Variants in ATXN2 observed in about 807,000 individuals in gnomAD.
ATXN2 encodes the protein ataxin 2.
ATXN2 carries 37 observed loss-of-function variants against 138.6 expected under a neutral mutation model. The ratio of observed to expected loss-of-function variants is 0.27; its 90% CI spans 0.21 to 0.35. The LOEUF (loss-of-function observed/expected upper bound fraction) is 0.35. Ranked by LOEUF, ATXN2 falls within the 10% of genes least tolerant of loss-of-function variation. The pLI, the probability that ATXN2 is intolerant of heterozygous loss-of-function variation, is 1.00. For synonymous variants in ATXN2, 549 were observed against 543.7 expected (o/e 1.01, Z -0.13); for missense variants, 1,216 against 1,480.3 (o/e 0.82, Z 2.93).
chr12:111,584,393 A>AAAAAAAAAAAC, intron 1 of ATXN2, among the ~76,000 whole-genome samples: 1 of 144,096 alleles, frequency 6.9e-6, no homozygotes, highest in Non-Finnish European at 1.5e-5. Flanking sequence ...AAAAAAAAAA[A>AAAAAAAAAAAC]AAAAAAAAAA....
rs866096175 is a variant in ATXN2 at position 111,589,018 on chromosome 12, A to C, written c.251+9766T>G. ...AAAAAAAAAAAAAAAAAAAAAAAAA[A>C]AAAAAACTAAACCAAACTGGTCACG... On this transcript the variant is annotated intron_variant, in intron 1 of 24. Coordinates refer to ENST00000673436, the MANE Select transcript of ATXN2 (RefSeq NM_001372574.1). Among the ~76,000 whole-genome samples, 1,041 of 138,974 alleles carry C rather than the reference A, an allele frequency of 7.5e-3. 4 individuals are homozygous for C. The highest frequency in any genetic ancestry group is 0.01 in the Non-Finnish European group (692 of 66,332). 91.2% of individuals were successfully genotyped at this position (138,974 alleles called of 152,430 possible).
At chr12:111,599,497 T>A (rs2135865388), upstream of ATXN2, 2 of 1,214,758 alleles carry the variant, frequency 1.6e-6, no homozygotes, top group South Asian at 3.6e-5. Flanking sequence ...TCCGAGGAGC[T>A]GCGGCCGCTG....
chr12:111,471,707 C>A (rs530311294), intron 18 of ATXN2: 9 of 151,806 alleles, frequency 5.9e-5, no homozygotes, highest in African/African-American at 9.7e-5. Flanking sequence ...CAAACCTGAA[C>A]ATTTTTTTAT....
At position 111,580,513 on chromosome 12, in the gene ATXN2, GAAAAAAA is replaced by G. The variant is rs771331354; in HGVS notation, c.251+18264_251+18270del. The stretch of plus-strand genomic sequence containing the variant: ...AGAGGAAGATTCTGTCTCCAAAAAA[GAAAAAAA>G]AAAAAAAGATGACAACGGAACGGGA... On this transcript the variant is annotated intron_variant, in intron 1 of 24. Coordinates refer to ENST00000673436, the MANE Select transcript of ATXN2 (RefSeq NM_001372574.1). Among the ~76,000 whole-genome samples, 17 of 105,856 alleles carry G rather than the reference GAAAAAAA, an allele frequency of 1.6e-4. 1 individual carries two copies. In the East Asian group the frequency reaches 3.8e-3, roughly 24 times the overall value. The allele number at this position is 105,856 out of a possible 152,430, so 69.4% of individuals were successfully genotyped here. A position where few individuals can be genotyped will look rare whatever the true frequency, so the allele number is the denominator to read the frequency against.
chr12:111,466,123 G>A (rs1366521411), intron 20 of ATXN2, among the ~76,000 whole-genome samples: 3 of 150,100 alleles, frequency 2.0e-5, no homozygotes, highest in Admixed American at 6.7e-5. Context: ...CTGAGATCGC[G>A]CCACTGCACT....
At position 111,497,498 on chromosome 12, in the gene ATXN2, G is replaced by GT. The variant is rs572438673; in HGVS notation, c.1936-8719dup. On this transcript the variant is annotated intron_variant, in intron 14 of 24. Transcript: ENST00000673436. ...ATATAATACTAGCAAACCGAATTCA[G>GT]TAACACATTAAAAAGATCATTCATC... Among the ~76,000 whole-genome samples, 146 of 152,178 alleles carry GT rather than the reference G, an allele frequency of 9.6e-4. 1 individual carries two copies. Among genetic ancestry groups the GT allele is most frequent in the Admixed American group, 7.4e-3 (113 of 15,278 alleles).
chr12:111,581,311 A>C (rs1300558994), intron 1 of ATXN2: 1 of 513,126 alleles, frequency 1.9e-6, no homozygotes, highest in East Asian at 3.7e-5. Context: ...CCAAACTACC[A>C]GGGAAAGGGA....
At chr12:111,472,417 C>T (rs1031804765) in intron 18 of ATXN2, among the ~76,000 whole-genome samples, 2 of 152,070 alleles carry the variant, frequency 1.3e-5, no homozygotes, top group South Asian at 2.1e-4. Flanking sequence ...AACATATAAA[C>T]AGCAATAGCC....
chr12:111,508,549 C>A (rs544705969), intron 14 of ATXN2, among the ~76,000 whole-genome samples: 1 of 142,922 alleles, frequency 7.0e-6, no homozygotes, highest in Non-Finnish European at 1.5e-5. Context: ...TGGGTTCAAG[C>A]GATTATCCTG....
chr12:111,554,417 G>C (rs141091651), intron 2 of ATXN2, among the ~76,000 whole-genome samples, 200 bp from the exon 3 acceptor site: 1 of 152,126 alleles, frequency 6.6e-6, no homozygotes, highest in Non-Finnish European at 1.5e-5. Flanking sequence ...TGCTCAGCCT[G>C]TATTTACATT....
At chr12:111,530,203 G>A (rs1880737672) in intron 5 of ATXN2, among the ~76,000 whole-genome samples, 2 of 152,164 alleles carry the variant, frequency 1.3e-5, no homozygotes, top group South Asian at 4.1e-4. Flanking sequence ...CACTTACTGA[G>A]TACCTACAAT....
rs917587089 is a variant in ATXN2, at chr12:111,583,155, G to A, written c.251+15629C>T. Among the ~76,000 whole-genome samples the A allele has an allele frequency of 2.7e-5, 4 of 149,796 alleles. 1 individual carries two copies. The highest frequency in any genetic ancestry group is 9.9e-5 in the African/African-American group (4 of 40,492). ...CTACAGATGCGCACCACCATGCCCA[G>A]CTAATTTTTTCTATTTTAGTAGAGA... is the stretch of plus-strand genomic sequence containing the variant. On this transcript the variant is annotated intron_variant, in intron 1 of 24. Transcript: ENST00000673436.
Position 111,552,194 on chromosome 12 carries a change from A to T in ATXN2, c.571+86T>A, listed in dbSNP as rs1373302066. 1.4e-6 allele frequency: 2 copies of T among 1,400,168 alleles called. No homozygotes were observed. The highest frequency in any genetic ancestry group is 2.5e-5 in the East Asian group (1 of 40,106). The allele number at this position is 1,400,168 out of a possible 1,614,324, so 86.7% of individuals were successfully genotyped here. ...CCATACCCAGCCCAGATATTTCTTT[A>T]AAAAAAGTTTGTAAGATCACTGTGA... On this transcript the variant is annotated intron_variant, in intron 5 of 24. Transcript: ENST00000673436. The surrounding 1 kb of genome is among the most constrained non-coding windows in gnomAD (Gnocchi z 4.1).
At chr12:111,553,973 C>G (rs1882259419) in intron 3 of ATXN2, among the ~76,000 whole-genome samples, 185 bp downstream of exon 3, 2 of 152,078 alleles carry the variant, frequency 1.3e-5, no homozygotes, top group South Asian at 4.1e-4. Flanking sequence ...AGAGGACCAA[C>G]TGTACTTTTA....
In ATXN2 at chr12:111,513,434, G is replaced by A. The variant is rs572483391; in HGVS notation, c.1481C>T (p.Pro494Leu). 145 of 1,613,994 alleles carry A rather than the reference G, an allele frequency of 9.0e-5. 2 individuals carry two copies. The South Asian group carries it at 1.4e-3, about 16-fold the overall frequency. The change falls in exon 11 of 25, where the codon CCA becomes CTA. Residue 494 changes from proline (P) to leucine (L), a missense_variant. Transcript: ENST00000673436. ...SSGLEFVSHN[P>L]PSEAATPPVA... ...TGGAGGAGTAGCTGCTTCACTGGGT[G>A]GGTTGTGGGATACAAATTCTAGGCC...
At chr12:111,488,378 G>T in intron 15 of ATXN2, 98 bp downstream of exon 15, 1 of 1,289,752 alleles carries the variant, frequency 7.8e-7, no homozygotes, top group Non-Finnish European at 1.1e-6. Flanking sequence ...TAGTCTAAAA[G>T]TCCAGATGGA....
At chr12:111,486,889 C>G in intron 15 of ATXN2, 65 bp from the exon 16 acceptor site, 1 of 1,362,316 alleles carries the variant, frequency 7.3e-7, no homozygotes, top group Non-Finnish European at 1.0e-6. Context: ...ATCTTCCATA[C>G]CTGACAATTT....
Position 111,592,782 on chromosome 12 carries a change from C to CAAAAAAAAAAAAAAAAAAAA in ATXN2, c.251+5982_251+6001dup, listed in dbSNP as rs71083183. ...TGGGCGACAGAGCAAGACTCCGTCT[C>CAAAAAAAAAAAAAAAAAAAA]AAAAAAAAAAAAAAAAAAAAAAGAT... On this transcript the variant is annotated intron_variant, in intron 1 of 24. Transcript: ENST00000673436. Among the ~76,000 whole-genome samples, 88 of 26,014 alleles carry CAAAAAAAAAAAAAAAAAAAA rather than the reference C, an allele frequency of 3.4e-3. 8 individuals carry two copies. Among genetic ancestry groups the CAAAAAAAAAAAAAAAAAAAA allele is most frequent in the Admixed American group, 5.1e-3 (7 of 1,382 alleles). 17.1% of individuals were successfully genotyped at this position (26,014 alleles called of 152,430 possible). A position where few individuals can be genotyped will look rare whatever the true frequency, so the allele number is the denominator to read the frequency against.
intron 14 of ATXN2, among the ~76,000 whole-genome samples, chr12:111,492,455 G>A (rs781402430): frequency 1.3e-4 from 20 of 152,292 alleles, no homozygotes; most frequent in Middle Eastern, 3.4e-3. Flanking sequence ...AGGCCAAGGC[G>A]GACAGATCAC....
Sources: allele counts gnomAD v4.1 joint callset (sites outside exome capture counted in the v4.1 genomes callset), GRCh38; gene constraint gnomAD v4.1.1; non-coding constraint Gnocchi (gnomAD v3.1); transcripts MANE v1.5; gene names NCBI Gene and HGNC (gene_info 2026-07-23, HGNC 2026-07-21).